HERC1: variants seen among roughly 807,000 people sequenced by gnomAD.
The protein encoded by HERC1 is HECT and RLD domain containing E3 ubiquitin protein ligase family member 1.
HERC1 carries 160 observed loss-of-function variants against 554.3 expected under a neutral mutation model. The ratio of observed to expected loss-of-function variants is 0.29; its 90% CI spans 0.25 to 0.33. The LOEUF (loss-of-function observed/expected upper bound fraction) is 0.33. Among genes scored for constraint, HERC1 ranks in the 10% least tolerant of loss-of-function variants. The pLI is 1.00. For synonymous variants in HERC1, 2,175 were observed against 2,131.7 expected, an observed-to-expected ratio of 1.02 and a Z score of -0.56; for missense variants, 4,919 against 5,918.5, an observed-to-expected ratio of 0.83 and a Z score of 5.54.
chr15:63,772,882 T>C (rs2075994080), intron 2 of HERC1, among the ~76,000 whole-genome samples: 1 of 152,158 alleles, frequency 6.6e-6, no homozygotes, highest in Non-Finnish European at 1.5e-5. Flanking sequence ...CCCAAGTACT[T>C]ACCTATGATA....
At chr15:63,748,299 A>G (rs1050048415) in intron 10 of HERC1, among the ~76,000 whole-genome samples, 3 of 152,154 alleles carry the variant, frequency 2.0e-5, no homozygotes, top group Non-Finnish European at 4.4e-5. Context: ...ATTACTGATT[A>G]TGAAAGTGAT....
Position 63,774,921 on chromosome 15 carries a change from G to A in HERC1, c.703C>T (p.Pro235Ser), listed in dbSNP as rs372881720. Residue 235 changes from proline to serine, a missense_variant, in exon 2 of 78, where the codon CCT (proline) becomes TCT (serine). Transcript: ENST00000443617. ...CCTAAAGTGTCTGCCCCAGAATTAGGAATAGTGACTCCTTTAAGAAATGTT... is the reference window on the plus strand; with the variant it reads ...CCTAAAGTGTCTGCCCCAGAATTAGAAATAGTGACTCCTTTAAGAAATGTT... The part of the protein sequence containing the change: ...VTTFLKGVTI[P>S]NSGADTLGRR... 15 of 1,613,876 alleles carry A rather than the reference G, an allele frequency of 9.3e-6. No homozygotes were observed. Among genetic ancestry groups the A allele is most frequent in the Admixed American group, 1.7e-5 (1 of 60,002 alleles).
rs554102362 is a variant in HERC1, at chr15:63,630,727, G to A, written c.12797-92C>T. The A allele has an allele frequency of 5.1e-5, 66 of 1,293,304 alleles. 1 individual carries two copies. In the South Asian group the frequency reaches 7.9e-4, roughly 15 times the overall value. 80.1% of individuals were successfully genotyped at this position (1,293,304 alleles called of 1,614,324 possible). ...TCTGATCAGTCATTTAGCTTATTAT[G>A]GTGGAATGGCAATGACACATATAAC... On this transcript the variant is annotated intron_variant, in intron 68 of 77. Transcript: ENST00000443617.
At chr15:63,764,580 C>T (rs1459594287) in intron 2 of HERC1, among the ~76,000 whole-genome samples, 1 of 152,186 alleles carries the variant, frequency 6.6e-6, no homozygotes, top group African/African-American at 2.4e-5. Flanking sequence ...CTGCCTTCCA[C>T]CTGACAGAAT....
rs1202569434 is a variant in HERC1 at position 63,677,826 on chromosome 15, G to T, written c.7070+19C>A. On this transcript the variant is annotated intron_variant, in intron 37 of 77. Transcript: ENST00000443617. This position sits in a 1 kb window ranked among gnomAD's most constrained non-coding sequence, Gnocchi z 4.4. ...CATTAAATATTTGTTTGCTAAAAGTGTAACTCAACAGATCATACCTGATAG... is the reference window on the plus strand; with the variant it reads ...CATTAAATATTTGTTTGCTAAAAGTTTAACTCAACAGATCATACCTGATAG... The T allele has an allele frequency of 1.3e-6, 2 of 1,598,842 alleles. No homozygotes were observed. The highest frequency in any genetic ancestry group is 1.7e-5 in the Admixed American group (1 of 58,712).
chr15:63,722,309 G>C (rs774264247), intron 19 of HERC1, among the ~76,000 whole-genome samples: 2 of 152,146 alleles, frequency 1.3e-5, no homozygotes, highest in African/African-American at 4.8e-5. Context: ...ATGTTTTATA[G>C]ATGAATACTG....
At chr15:63,704,974 G>T (rs547142952) in intron 25 of HERC1, among the ~76,000 whole-genome samples, 94 of 151,806 alleles carry the variant, frequency 6.2e-4, no homozygotes, top group African/African-American at 2.1e-3. Context: ...TCCTGACCTC[G>T]TGATCCGCCC....
rs768808003 is a variant in HERC1, at chr15:63,696,335, C to T, written c.4910G>A (p.Arg1637His). 1.9e-6 allele frequency: 3 copies of T among 1,607,524 alleles called. No individual in the cohort carries two copies. The highest frequency in any genetic ancestry group is 2.6e-6 in the Non-Finnish European group (3 of 1,176,452). ...MEQQQLRAEL[R>H]LEALHQILVL... ...GAGGATCTGATGAAGTGCCTCTAAA[C>T]GAAGCTTGAGGAAAAAAACATATTT... Residue 1637 changes from arginine to histidine, a missense_variant, in exon 27 of 78, where the codon CGT (arginine) becomes CAT (histidine). Around this residue, in one of 11 missense-constraint regions of HERC1, gnomAD observed 1,121 missense variants for 1,244.0 expected, o/e 0.90. Coordinates refer to ENST00000443617, the MANE Select transcript of HERC1 (RefSeq NM_003922.4).
chr15:63,644,972 C>G lies in HERC1; in HGVS notation c.11184+20G>C. The G allele has an allele frequency of 1.3e-6, 2 of 1,559,628 alleles. No homozygotes were observed. Among genetic ancestry groups the G allele is most frequent in the African/African-American group, 2.7e-5 (2 of 74,004 alleles). On this transcript the variant is annotated intron_variant, in intron 57 of 77. Transcript: ENST00000443617. ...ACTTTCCATAGTTTCAGACAGTCTT[C>G]AAAAACACCAGAATGTTACCTGGCA...
At position 63,729,350 on chromosome 15, in the gene HERC1, A is replaced by G. The variant is rs774831850; in HGVS notation, c.3040T>C (p.Leu1014=). 1.7e-5 allele frequency: 28 copies of G among 1,607,410 alleles called. No homozygotes were observed. The highest frequency in any genetic ancestry group is 1.7e-4 in the Middle Eastern group (1 of 6,056). The change falls in exon 16 of 78, where the codon TTG becomes CTG. Residue 1014 remains leucine, a synonymous_variant. Transcript: ENST00000443617. ...AAAAGCTGAAGATGTTTATGAAGCA[A>G]TGCCACACTGCTTGAGTTCTAAGAA... ...NISENSSSVA[L]LHKHLQLLLP... is the part of the protein sequence containing the mutation.
In HERC1 at chr15:63,648,212, A is replaced by C; in HGVS notation, c.10748-13T>G. ...CAAGTAACAGACACTAACATGATCAAAACAAAAGAGTAAGGAAAAGATAAT... is the reference window on the plus strand; with the variant it reads ...CAAGTAACAGACACTAACATGATCACAACAAAAGAGTAAGGAAAAGATAAT... On this transcript the variant is annotated splice_polypyrimidine_tract_variant and intron_variant, in intron 54 of 77. Transcript: ENST00000443617. The C allele has an allele frequency of 6.3e-7, 1 of 1,595,300 alleles. No individual in the cohort carries two copies. The highest frequency in any genetic ancestry group is 8.6e-7 in the Non-Finnish European group (1 of 1,169,388).
intron 18 of HERC1, 105 bp from the exon 19 acceptor site, chr15:63,723,460 C>T: frequency 1.3e-6 from 1 of 798,122 alleles, no homozygotes; most frequent in Non-Finnish European, 1.9e-6. Context: ...AAACTTCAAA[C>T]CATTTTAAGT....
chr15:63,723,174 T>A lies in HERC1; in HGVS notation c.3742+8A>T. The A allele has an allele frequency of 7.0e-7, 1 of 1,421,138 alleles. No homozygotes were observed. The allele number at this position is 1,421,138 out of a possible 1,614,324, so 88.0% of individuals were successfully genotyped here. A position where few individuals can be genotyped will look rare whatever the true frequency, so the allele number is the denominator to read the frequency against. ...ACAAATTTACTCCCTTTATCTTCTT[T>A]ATCTTACCTTTACTAACAGCATAGT... On this transcript the variant is annotated splice_region_variant and intron_variant, in intron 19 of 77. Coordinates refer to ENST00000443617, the MANE Select transcript of HERC1 (RefSeq NM_003922.4).
In HERC1 at chr15:63,612,556, C is replaced by T. The variant is rs763801527; in HGVS notation, c.14095G>A (p.Val4699Met). The change falls in exon 77 of 78, where the codon GTG becomes ATG. Residue 4699 changes from valine to methionine, a missense_variant and splice_region_variant. Around this residue, in one of 11 missense-constraint regions of HERC1, gnomAD observed 284 missense variants for 294.1 expected, o/e 0.97. Transcript: ENST00000443617. This position sits in a 1 kb window ranked among gnomAD's most constrained non-coding sequence, Gnocchi z 5.0. ...GACATCCCTTCTCGGACTGCAGCCA[C>T]CTGCTCCCGGGAGAGGTTGCTCATT... ...EYRLHEMDRQ[V>M]AAVREGMSWI... The T allele has an allele frequency of 6.2e-7, 1 of 1,611,970 alleles. No homozygotes were observed. The highest frequency in any genetic ancestry group is 1.3e-5 in the African/African-American group (1 of 74,930).
intron 74 of HERC1, among the ~76,000 whole-genome samples, chr15:63,617,063 G>A (rs1258581371): frequency 1.3e-5 from 2 of 151,850 alleles, no homozygotes; most frequent in Non-Finnish European, 2.9e-5. Flanking sequence ...ACAACGTGCA[G>A]GTTTGTTACA....
Position 63,828,067 on chromosome 15 carries a change from A to C in HERC1, c.-27+5760T>G, listed in dbSNP as rs116210803. Among the ~76,000 whole-genome samples, 635 of 152,328 alleles carry C rather than the reference A, an allele frequency of 4.2e-3. 8 individuals are homozygous for C. Among genetic ancestry groups the C allele is most frequent in the African/African-American group, 0.015 (608 of 41,574 alleles). ...TTGTGATGGTTGCACCATCTTGTGA[A>C]TATACTAGAAACCACTGAATTGTAC... On this transcript the variant is annotated intron_variant, in intron 1 of 77. Coordinates refer to ENST00000443617, the MANE Select transcript of HERC1 (RefSeq NM_003922.4).
intron 38 of HERC1, among the ~76,000 whole-genome samples, chr15:63,674,130 G>A (rs2071076961): frequency 6.6e-6 from 1 of 151,530 alleles, no homozygotes; most frequent in Admixed American, 6.6e-5. Context: ...CACTGGTATA[G>A]GTTTAAAATA....
chr15:63,621,935 A>T (rs1223993033), intron 74 of HERC1, among the ~76,000 whole-genome samples: 1 of 151,750 alleles, frequency 6.6e-6, no homozygotes, highest in East Asian at 1.9e-4. Flanking sequence ...ATGGGTTCGA[A>T]CTTCCTCCTT....
At chr15:63,705,609 T>TC (rs1187478971) in intron 25 of HERC1, among the ~76,000 whole-genome samples, 1 of 152,172 alleles carries the variant, frequency 6.6e-6, no homozygotes, top group Non-Finnish European at 1.5e-5. Flanking sequence ...AGGGTTTCAT[T>TC]CTGAAATACA....
Sources: gnomAD v4.1 joint callset for allele counts (sites outside exome capture counted in the v4.1 genomes callset) on GRCh38, gnomAD v4.1.1 for gene constraint, gnomAD v4.1.1 regional missense constraint, Gnocchi (gnomAD v3.1) non-coding constraint, MANE v1.5 for transcripts, NCBI Gene and HGNC (gene_info 2026-07-23, HGNC 2026-07-21) for gene names.